SLC35F4: variants seen among roughly 807,000 people sequenced by gnomAD.
SLC35F4 encodes the protein chromosome 14 open reading frame 36.
SLC35F4 carries 24 observed loss-of-function variants against 44.2 expected under a neutral mutation model. The ratio of observed to expected loss-of-function variants is 0.54; its 90% CI spans 0.39 to 0.76. SLC35F4 has a LOEUF of 0.76. SLC35F4 is among the 30% of genes least tolerant of loss of function. SLC35F4 has a pLI of 0.00. For synonymous variants in SLC35F4, 238 were observed against 223.6 expected, an observed-to-expected ratio of 1.06 and a Z score of -0.57; for missense variants, 562 against 586.1, an observed-to-expected ratio of 0.96 and a Z score of 0.42.
chr14:57,774,426 G>T (rs138459134), intron 1 of SLC35F4, among the ~76,000 whole-genome samples: 1 of 152,314 alleles, frequency 6.6e-6, no homozygotes, highest in East Asian at 1.9e-4. Context: ...ACTCCAACTG[G>T]TGCAGAGTCC....
chr14:57,939,596 G>A (rs554145726), intron 1 of SLC35F4, among the ~76,000 whole-genome samples: 29 of 152,206 alleles, frequency 1.9e-4, no homozygotes, highest in South Asian at 4.1e-4. Context: ...TCAGAGCGAG[G>A]AAGGGTAGAA....
intron 1 of SLC35F4, among the ~76,000 whole-genome samples, chr14:57,947,970 T>C (rs2141078152): frequency 6.6e-6 from 1 of 152,266 alleles, no homozygotes; most frequent in African/African-American, 2.4e-5. Context: ...TCATCAGAGG[T>C]ATTGGTCTAT....
At chr14:57,773,783 C>T (rs1035081874) in intron 1 of SLC35F4, among the ~76,000 whole-genome samples, 2 of 152,128 alleles carry the variant, frequency 1.3e-5, no homozygotes, top group African/African-American at 4.8e-5. Flanking sequence ...CAGTCACTTC[C>T]ATGTCATCCC....
intron 1 of SLC35F4, among the ~76,000 whole-genome samples, chr14:57,964,467 A>G (rs539180334): frequency 1.3e-5 from 2 of 152,326 alleles, no homozygotes; most frequent in East Asian, 3.9e-4. Context: ...CTCTCTCAAA[A>G]TGCTTCAAAG....
intron 1 of SLC35F4, among the ~76,000 whole-genome samples, chr14:57,672,918 C>T (rs2074567447): frequency 6.6e-6 from 1 of 151,494 alleles, no homozygotes; most frequent in Non-Finnish European, 1.5e-5. Flanking sequence ...TTTTTTTGCA[C>T]AGTGTCTTCT....
At chr14:57,821,560 G>A (rs545915288) in intron 1 of SLC35F4, among the ~76,000 whole-genome samples, 4 of 152,326 alleles carry the variant, frequency 2.6e-5, no homozygotes, top group African/African-American at 7.2e-5. Context: ...AGGAACAAAT[G>A]TAATAGGAAA....
chr14:57,902,360 T>C (rs1889019449), intron 1 of SLC35F4, among the ~76,000 whole-genome samples: 1 of 152,078 alleles, frequency 6.6e-6, no homozygotes, highest in African/African-American at 2.4e-5. Context: ...CGTCAGGAGT[T>C]TGAGACCAGC....
intron 1 of SLC35F4, among the ~76,000 whole-genome samples, chr14:57,786,134 T>C (rs777583297): frequency 1.8e-4 from 27 of 152,064 alleles, no homozygotes; most frequent in Non-Finnish European, 1.5e-5. Flanking sequence ...GTGAGGGCTA[T>C]GAGTGCTGGA....
intron 1 of SLC35F4, among the ~76,000 whole-genome samples, chr14:57,865,233 CCCCACCA>C (rs1888037987): frequency 6.6e-6 from 1 of 152,160 alleles, no homozygotes; most frequent in South Asian, 2.1e-4. Context: ...AACGAGCTGA[CCCCACCA>C]GCGCCGGGAC....
chr14:57,761,562 C>A (rs2077125414), intron 1 of SLC35F4, among the ~76,000 whole-genome samples: 1 of 152,074 alleles, frequency 6.6e-6, no homozygotes, highest in Non-Finnish European at 1.5e-5. Flanking sequence ...TATCAAAGCT[C>A]CCTACTGTAC....
intron 1 of SLC35F4, among the ~76,000 whole-genome samples, chr14:57,684,433 G>A (rs2075007013): frequency 6.6e-6 from 1 of 152,128 alleles, no homozygotes. Flanking sequence ...TTCTCATAAG[G>A]AGCATGCAAC....
intron 1 of SLC35F4, among the ~76,000 whole-genome samples, chr14:57,854,959 C>T (rs1886943315): frequency 6.6e-6 from 1 of 152,126 alleles, no homozygotes; most frequent in African/African-American, 2.4e-5. Flanking sequence ...TTAATAACAA[C>T]AATTTAAAAT....
intron 1 of SLC35F4, among the ~76,000 whole-genome samples, chr14:57,826,329 G>A (rs1281881871): frequency 6.6e-6 from 1 of 152,052 alleles, no homozygotes; most frequent in Non-Finnish European, 1.5e-5. Flanking sequence ...ATTGAAACTG[G>A]ACCCCTTCCT....
intron 1 of SLC35F4, among the ~76,000 whole-genome samples, chr14:57,643,444 C>T (rs2073343354): frequency 6.6e-6 from 1 of 152,008 alleles, no homozygotes; most frequent in African/African-American, 2.4e-5. Context: ...TTTATGAGTA[C>T]TTACTATCTG....
chr14:57,902,536 C>A (rs1303754257), intron 1 of SLC35F4, among the ~76,000 whole-genome samples: 1 of 148,394 alleles, frequency 6.7e-6, no homozygotes, highest in African/African-American at 2.5e-5. Flanking sequence ...GCACTCCAGC[C>A]TGGGCAACAA....
intron 1 of SLC35F4, among the ~76,000 whole-genome samples, chr14:57,758,001 ATGTGTGTGTGTG>A (rs34860997): frequency 2.5e-4 from 32 of 129,022 alleles, no homozygotes; most frequent in African/African-American, 5.8e-4. Flanking sequence ...TTATAGGTTC[ATGTGTGTGTGTG>A]TGTGTGTGTG....
intron 1 of SLC35F4, among the ~76,000 whole-genome samples, chr14:57,662,153 G>C (rs551778040): frequency 6.6e-6 from 1 of 152,088 alleles, no homozygotes; most frequent in South Asian, 2.1e-4. Flanking sequence ...TAGAAATCTC[G>C]TGATCAGAGT....
At chr14:57,660,713 A>G (rs1183646453) in intron 1 of SLC35F4, among the ~76,000 whole-genome samples, 1 of 152,150 alleles carries the variant, frequency 6.6e-6, no homozygotes. Flanking sequence ...CAGCTGTCAT[A>G]TTGTGAGCAT....
intron 1 of SLC35F4, among the ~76,000 whole-genome samples, chr14:57,679,613 T>C (rs189941510): frequency 1.3e-5 from 2 of 151,832 alleles, no homozygotes; most frequent in African/African-American, 4.8e-5. Context: ...ATTAACAAAA[T>C]AGTAGACCAG....
Sources: gnomAD v4.1 joint callset for allele counts (sites outside exome capture counted in the v4.1 genomes callset) on GRCh38, gnomAD v4.1.1 for gene constraint, MANE v1.5 for transcripts, NCBI Gene and HGNC (gene_info 2026-07-23, HGNC 2026-07-21) for gene names.